GMDS: variants seen among roughly 807,000 people sequenced by gnomAD.
GMDS encodes GDP-mannose 4,6 dehydratase.
Under a neutral mutation model 49.9 loss-of-function variants are expected in GMDS, and 20 were observed. That is an observed-to-expected ratio of 0.40 (90% CI 0.28 to 0.58). The LOEUF is 0.58. Among genes scored for constraint, GMDS ranks in the 20% least tolerant of loss-of-function variants. The probability of loss-of-function intolerance (pLI) is 0.42; values close to 1 mark genes in which losing one functional copy is unlikely to be tolerated. For synonymous variants in GMDS, 177 were observed against 178.6 expected, an observed-to-expected ratio of 0.99 and a Z score of 0.07; for missense variants, 362 against 481.4, an observed-to-expected ratio of 0.75 and a Z score of 2.32.
intron 9 of GMDS, among the ~76,000 whole-genome samples, chr6:1,663,913 T>C (rs1764162843): frequency 6.6e-6 from 1 of 152,232 alleles, no homozygotes; most frequent in South Asian, 2.1e-4. Context: ...TGGGAGCATG[T>C]AATTTATTTG....
intron 9 of GMDS, among the ~76,000 whole-genome samples, chr6:1,637,430 C>T (rs996322294): frequency 6.6e-6 from 1 of 152,258 alleles, no homozygotes; most frequent in African/African-American, 2.4e-5. Context: ...GCTTCAAACT[C>T]TCCCCCGTGA....
intron 7 of GMDS, among the ~76,000 whole-genome samples, chr6:1,915,637 C>A (rs144575020): frequency 6.6e-6 from 1 of 152,320 alleles, no homozygotes; most frequent in East Asian, 1.9e-4. Flanking sequence ...ATGTGGGAGG[C>A]AGAGAGAGCA....
intron 9 of GMDS, among the ~76,000 whole-genome samples, chr6:1,677,743 C>T (rs942004390): frequency 1.1e-4 from 15 of 140,058 alleles, no homozygotes; most frequent in Admixed American, 2.4e-4. Flanking sequence ...GGGAATTGAA[C>T]AATGAGAACA....
At chr6:2,225,285 G>A (rs1780765903) in intron 1 of GMDS, among the ~76,000 whole-genome samples, 1 of 152,088 alleles carries the variant, frequency 6.6e-6, no homozygotes, top group South Asian at 2.1e-4. Context: ...AGCCAAGACT[G>A]CACCACCGCA....
Position 1,909,149 on chromosome 6 carries a change from C to T in GMDS, c.771+20954G>A, listed in dbSNP as rs76060340. Among the ~76,000 whole-genome samples the T allele has an allele frequency of 9.5e-3, 1,439 of 152,226 alleles. 15 individuals carry two copies. The highest frequency in any genetic ancestry group is 0.016 in the Non-Finnish European group (1,059 of 68,022). Reference sequence around the variant, plus strand: ...GCATATCATACATCTTGATGAAATGCCTTTCAAACAAAGACTTTACGGTTT... The same window carrying T: ...GCATATCATACATCTTGATGAAATGTCTTTCAAACAAAGACTTTACGGTTT... On this transcript the variant is annotated intron_variant, in intron 7 of 10. Coordinates refer to ENST00000380815, the MANE Select transcript of GMDS (RefSeq NM_001500.4).
intron 8 of GMDS, among the ~76,000 whole-genome samples, chr6:1,737,953 TAC>T (rs1175323225): frequency 1.7e-5 from 2 of 117,966 alleles, no homozygotes; most frequent in Admixed American, 8.8e-5. Flanking sequence ...CATACACAGA[TAC>T]ACACATACAT....
chr6:1,624,791 C>A, intron 9 of GMDS: 1 of 425,588 alleles, frequency 2.3e-6, no homozygotes, highest in Non-Finnish European at 4.2e-6. Context: ...TACCTCCACA[C>A]CTCTTCTCCC....
intron 1 of GMDS, among the ~76,000 whole-genome samples, chr6:2,146,634 C>A (rs1198348450): frequency 6.6e-6 from 1 of 152,134 alleles, no homozygotes; most frequent in Non-Finnish European, 1.5e-5. Context: ...TAATTAACTT[C>A]TTTTGTACTC....
chr6:1,769,549 C>A (rs1768494068), intron 7 of GMDS, among the ~76,000 whole-genome samples: 1 of 152,208 alleles, frequency 6.6e-6, no homozygotes, highest in South Asian at 2.1e-4. Flanking sequence ...CAGTGAAATC[C>A]TCAGCCACTT....
At chr6:1,676,946 C>T (rs532770928) in intron 9 of GMDS, among the ~76,000 whole-genome samples, 30 of 152,254 alleles carry the variant, frequency 2.0e-4, no homozygotes, top group East Asian at 3.9e-4. Flanking sequence ...TCTAATTAAA[C>T]GAAAGAGCTT....
chr6:1,678,319 G>A (rs1489320045), intron 9 of GMDS, among the ~76,000 whole-genome samples: 2 of 152,156 alleles, frequency 1.3e-5, no homozygotes, highest in Non-Finnish European at 2.9e-5. Flanking sequence ...GTAGCCCTTA[G>A]TCAATCACCC....
At chr6:1,792,148 T>C (rs554041574) in intron 7 of GMDS, among the ~76,000 whole-genome samples, 1 of 152,324 alleles carries the variant, frequency 6.6e-6, no homozygotes, top group South Asian at 2.1e-4. Context: ...TTAGTTTCTA[T>C]ATAAATATTA....
intron 7 of GMDS, among the ~76,000 whole-genome samples, chr6:1,771,602 T>C (rs1178248988): frequency 6.6e-6 from 1 of 152,120 alleles, no homozygotes; most frequent in African/African-American, 2.4e-5. Context: ...TACACAGCAC[T>C]GTCTGTTTTG....
chr6:1,704,862 G>A (rs1477615266), intron 9 of GMDS, among the ~76,000 whole-genome samples: 3 of 151,776 alleles, frequency 2.0e-5, no homozygotes, highest in African/African-American at 7.3e-5. Flanking sequence ...GGAGAGGGGG[G>A]CGGGGGTGAG....
In GMDS at chr6:1,634,007, C is replaced by T. The variant is rs191959838; in HGVS notation, c.988-9467G>A. ...TTGAAAGTATGGAACTGACTATAAA[C>T]TGTCATTTAGCTGTGTGTCTTTTTA... On this transcript the variant is annotated intron_variant, in intron 9 of 10. Transcript: ENST00000380815. Among the ~76,000 whole-genome samples, 5 of 152,338 alleles carry T rather than the reference C, an allele frequency of 3.3e-5. No homozygotes were observed. In the East Asian group the frequency reaches 7.7e-4, roughly 23 times the overall value.
At chr6:1,768,247 C>T (rs1168312488) in intron 7 of GMDS, among the ~76,000 whole-genome samples, 2 of 152,140 alleles carry the variant, frequency 1.3e-5, no homozygotes, top group Non-Finnish European at 2.9e-5. Flanking sequence ...CATACAATGT[C>T]ATAGAGACAT....
intron 9 of GMDS, among the ~76,000 whole-genome samples, chr6:1,725,626 T>C (rs1392309185): frequency 1.3e-5 from 2 of 152,134 alleles, no homozygotes; most frequent in Non-Finnish European, 2.9e-5. Flanking sequence ...AGAGATGGGG[T>C]TTCACATGTT....
intron 7 of GMDS, among the ~76,000 whole-genome samples, chr6:1,760,773 T>G (rs1768127308): frequency 6.6e-6 from 1 of 152,212 alleles, no homozygotes; most frequent in African/African-American, 2.4e-5. Context: ...CTGAATATAA[T>G]TAGATTTAAT....
chr6:1,899,798 T>C (rs984904055), intron 7 of GMDS, among the ~76,000 whole-genome samples: 7 of 150,616 alleles, frequency 4.6e-5, no homozygotes, highest in Non-Finnish European at 8.8e-5. Context: ...CGTGGAGACC[T>C]GCAACAGGGC....
Sources: allele counts gnomAD v4.1 joint callset (sites outside exome capture counted in the v4.1 genomes callset), GRCh38; gene constraint gnomAD v4.1.1; transcripts MANE v1.5; gene names NCBI Gene and HGNC (gene_info 2026-07-23, HGNC 2026-07-21).